The following RPL6 variants were observed in gnomAD, a reference collection of about 807,000 sequenced individuals.
RPL6 encodes large ribosomal subunit protein eL6.
In RPL6, 1 loss-of-function variant was observed where a neutral mutation model predicts 32.1. The observed-to-expected ratio is 0.03, with a 90% CI of 0.01 to 0.15. RPL6 has a LOEUF of 0.15. Among genes scored for constraint, RPL6 ranks in the 10% least tolerant of loss-of-function variants. RPL6 has a pLI of 1.00. For synonymous variants in RPL6, 126 were observed against 131.6 expected (o/e 0.96, Z 0.29); for missense variants, 275 against 354.6 (o/e 0.78, Z 1.80).
chr12:112,405,969 T>C lies in RPL6; in HGVS notation c.598A>G (p.Lys200Glu), dbSNP rs1219905306. 1 of 1,614,032 alleles carries C rather than the reference T, an allele frequency of 6.2e-7. No individual in the cohort carries two copies. Residue 200 changes from lysine to glutamate, a missense_variant, in exon 6 of 7, where the codon AAA becomes GAA. Transcript: ENST00000202773. ...HQKFVIATSTKIDISNVKIPK... is the reference protein window; with the variant it reads ...HQKFVIATSTEIDISNVKIPK... ...ATTTTTACATTGCTGATATCGATTTTGGTTGAAGTGGCAATGACAAATTTC... is the reference window on the plus strand; with the variant it reads ...ATTTTTACATTGCTGATATCGATTTCGGTTGAAGTGGCAATGACAAATTTC...
At chr12:112,416,133 AT>A (rs1168421826) in intron 1 of RPL6, among the ~76,000 whole-genome samples, 7,610 of 51,184 alleles carry the variant, frequency 0.15, 174 homozygotes, top group East Asian at 0.2. Flanking sequence ...TAAATTTTGT[AT>A]TTTTTTTTTT....
At chr12:112,408,182 C>G in intron 3 of RPL6, 58 bp downstream of exon 3, 1 of 1,278,124 alleles carries the variant, frequency 7.8e-7, no homozygotes, top group Non-Finnish European at 1.1e-6. Context: ...TATTCAAAAA[C>G]ATCTTCACAG....
chr12:112,408,730 T>G (rs2037262240), intron 1 of RPL6, 74 bp from the exon 2 acceptor site: 1 of 1,310,088 alleles, frequency 7.6e-7, no homozygotes, highest in Non-Finnish European at 1.0e-6. Context: ...AATGAACCTG[T>G]ACATGAATGG....
chr12:112,413,345 G>C (rs966939930), upstream of RPL6, among the ~76,000 whole-genome samples: 2 of 152,036 alleles, frequency 1.3e-5, no homozygotes, highest in Non-Finnish European at 2.9e-5. Context: ...GACCATCCTG[G>C]CTAACACGGC....
At chr12:112,415,112 C>T (rs1319898740), upstream of RPL6, among the ~76,000 whole-genome samples, 1 of 152,052 alleles carries the variant, frequency 6.6e-6, no homozygotes, top group Non-Finnish European at 1.5e-5. Context: ...ATGTGGAGGA[C>T]AGTCAGGAAG....
At chr12:112,406,950 G>C (rs928447587) in intron 3 of RPL6, 60 bp from the exon 4 acceptor site, 18 of 1,571,724 alleles carry the variant, frequency 1.1e-5, no homozygotes, top group Non-Finnish European at 1.6e-5. Flanking sequence ...CTAGAAGCAA[G>C]CTATGTCAGC....
chr12:112,418,492 C>A lies in RPL6; in HGVS notation c.-229+236G>T, dbSNP rs1293687507. ...CTCCTTGGCTTAAGCGAACCTCTTGCCGCAGCCTCCCAAAGTGTTGGGATT... is the reference window on the plus strand; with the variant it reads ...CTCCTTGGCTTAAGCGAACCTCTTGACGCAGCCTCCCAAAGTGTTGGGATT... On this transcript the variant is annotated intron_variant, in intron 1 of 5. Coordinates refer to the RPL6 transcript ENST00000551291. 8.0e-5 allele frequency: 16 copies of A among 200,052 alleles called. No homozygotes were observed. The South Asian group carries it at 2.7e-3, about 34-fold the overall frequency. The allele number at this position is 200,052 out of a possible 1,614,324, so 12.4% of individuals were successfully genotyped here. A position where few individuals can be genotyped will look rare whatever the true frequency, so the allele number is the denominator to read the frequency against.
At chr12:112,406,933 CAGAT>C in intron 3 of RPL6, 43 bp from the exon 4 acceptor site, 1 of 1,606,462 alleles carries the variant, frequency 6.2e-7, no homozygotes, top group Non-Finnish European at 8.5e-7. Flanking sequence ...ATAAGCCATT[CAGAT>C]TACTAGAAGC....
At chr12:112,411,592 A>G (rs1594113055), upstream of RPL6, 1 of 152,348 alleles carries the variant, frequency 6.6e-6, no homozygotes, top group Non-Finnish European at 1.5e-5. Context: ...AATGAGATGC[A>G]CAGTTGCTTA....
At chr12:112,415,962 T>A (rs1488679346) in intron 1 of RPL6, among the ~76,000 whole-genome samples, 1 of 141,932 alleles carries the variant, frequency 7.0e-6, no homozygotes, top group Non-Finnish European at 1.5e-5. Flanking sequence ...TGCAGTTTTT[T>A]TTTTTTTTTT....
upstream of RPL6, among the ~76,000 whole-genome samples, chr12:112,414,963 G>A (rs566717463): frequency 3.3e-5 from 5 of 151,864 alleles, no homozygotes; most frequent in Non-Finnish European, 7.4e-5. Flanking sequence ...TATATGATAC[G>A]GCTCTTAGAT....
upstream of RPL6, among the ~76,000 whole-genome samples, chr12:112,414,261 G>C (rs1330342138): frequency 1.3e-5 from 2 of 152,252 alleles, no homozygotes; most frequent in African/African-American, 4.8e-5. Context: ...CTAAGGGAAG[G>C]AGTTCAACTT....
At chr12:112,406,223 A>G (rs1803824988) in intron 5 of RPL6, 71 bp downstream of exon 5, 3 of 1,399,194 alleles carry the variant, frequency 2.1e-6, no homozygotes, top group Non-Finnish European at 3.0e-6. Context: ...GCAGTAGCAA[A>G]CAAACGTGTA....
At chr12:112,412,605 G>A (rs537051819), upstream of RPL6, among the ~76,000 whole-genome samples, 1 of 152,068 alleles carries the variant, frequency 6.6e-6, no homozygotes, top group Admixed American at 6.6e-5. Flanking sequence ...CCCCTGAGTA[G>A]CTGGGAGTAC....
chr12:112,414,505 C>G (rs1379604351), upstream of RPL6, among the ~76,000 whole-genome samples: 2 of 152,178 alleles, frequency 1.3e-5, no homozygotes, highest in African/African-American at 2.4e-5. Context: ...GAGTATTTCA[C>G]AAACCTATCC....
chr12:112,408,342 C>A lies in RPL6; in HGVS notation c.238-4G>T. 1 of 1,614,122 alleles carries A rather than the reference C, an allele frequency of 6.2e-7. No homozygotes were observed. Among genetic ancestry groups the A allele is most frequent in the Non-Finnish European group, 8.5e-7 (1 of 1,179,986 alleles). On this transcript the variant is annotated splice_region_variant and splice_polypyrimidine_tract_variant and intron_variant, in intron 2 of 6. Transcript: ENST00000202773. ...TCTCCTTCTTTTTCTTTTCAACCTA[C>A]AAGGACACAAATGCATCAACAGTAA... is the stretch of plus-strand genomic sequence containing the variant.
intron 5 of RPL6, 50 bp downstream of exon 5, chr12:112,406,244 A>G (rs1165030147): frequency 6.6e-7 from 1 of 1,517,248 alleles, no homozygotes; most frequent in Non-Finnish European, 9.1e-7. Context: ...TACTGCAAGC[A>G]TTTAAAAATG....
rs748939804 is a variant in RPL6 at position 112,406,742 on chromosome 12, C to A, written c.480+5G>T. On this transcript the variant is annotated splice_donor_5th_base_variant and intron_variant, in intron 4 of 6. Coordinates refer to ENST00000202773, the MANE Select transcript of RPL6 (RefSeq NM_000970.6). ...GTGAAGCGCCCCAAGCACAGGTACT[C>A]TCACCTTGCCCCTGTGGCGTCCAGT... The A allele has an allele frequency of 1.2e-6, 2 of 1,614,084 alleles. No homozygotes were observed. The highest frequency in any genetic ancestry group is 2.2e-5 in the South Asian group (2 of 91,062).
chr12:112,407,131 T>C, intron 3 of RPL6: 1 of 421,680 alleles, frequency 2.4e-6, no homozygotes, highest in Non-Finnish European at 4.3e-6. Flanking sequence ...AAAGAAAGCA[T>C]CAAGCAAGTC....
Sources: gnomAD v4.1 joint callset for allele counts (sites outside exome capture counted in the v4.1 genomes callset) on GRCh38, gnomAD v4.1.1 for gene constraint, MANE v1.5 for transcripts, NCBI Gene and HGNC (gene_info 2026-07-23, HGNC 2026-07-21) for gene names.